MAP3K3: variants seen among roughly 807,000 people sequenced by gnomAD.
The protein encoded by MAP3K3 is mitogen-activated protein kinase kinase kinase 3.
In MAP3K3, 12 loss-of-function variants were observed where a neutral mutation model predicts 80.9. The ratio of observed to expected loss-of-function variants is 0.15; its 90% confidence interval spans 0.10 to 0.24. The LOEUF (loss-of-function observed/expected upper bound fraction) is 0.24. Ranked by LOEUF, MAP3K3 falls within the 10% of genes least tolerant of loss-of-function variation. The pLI is 1.00. For synonymous variants in MAP3K3, 272 were observed against 307.1 expected (o/e 0.89, Z 1.19); for missense variants, 596 against 834.7 (o/e 0.71, Z 3.52).
intron 2 of MAP3K3, among the ~76,000 whole-genome samples, chr17:63,643,130 A>G (rs1192127409): frequency 2.3e-4 from 35 of 152,152 alleles, no homozygotes; most frequent in Admixed American, 2.2e-3. Context: ...TGAGTAAACT[A>G]TGGACTTTAG....
intron 8 of MAP3K3, among the ~76,000 whole-genome samples, chr17:63,687,028 G>A (rs979522716): frequency 2.0e-5 from 3 of 152,086 alleles, no homozygotes; most frequent in Non-Finnish European, 4.4e-5. Flanking sequence ...AAAGATGCCT[G>A]GTTTAGCAGC....
intron 2 of MAP3K3, chr17:63,637,000 G>T: frequency 1.6e-6 from 1 of 620,472 alleles, no homozygotes; most frequent in Non-Finnish European, 3.1e-6. Flanking sequence ...GGAAGCTGCA[G>T]ATTCAGTGTG....
Position 63,692,498 on chromosome 17 carries a change from TTG to T in MAP3K3, c.1652+82_1652+83del. On this transcript the variant is annotated intron_variant, in intron 15 of 15. Coordinates refer to ENST00000361733, the MANE Select transcript of MAP3K3 (RefSeq NM_002401.5). The surrounding 1 kb of genome is among the most constrained non-coding windows in gnomAD (Gnocchi z 4.5). ...CCATTAGAAACACACCCTGGGGACT[TTG>T]TGGTGTGGCAGGAGGGAGTGTGCCC... The T allele has an allele frequency of 6.9e-7, 1 of 1,443,976 alleles. No homozygotes were observed. The highest frequency in any genetic ancestry group is 9.3e-7 in the Non-Finnish European group (1 of 1,079,374). 89.4% of individuals were successfully genotyped at this position (1,443,976 alleles called of 1,614,324 possible).
intron 2 of MAP3K3, among the ~76,000 whole-genome samples, chr17:63,642,350 T>C (rs2034459386): frequency 6.6e-6 from 1 of 152,182 alleles, no homozygotes; most frequent in South Asian, 2.1e-4. Context: ...ATTCCTTCAT[T>C]AGTATATCTA....
intron 5 of MAP3K3, among the ~76,000 whole-genome samples, chr17:63,664,963 T>C (rs1375296335): frequency 6.6e-6 from 1 of 152,052 alleles, no homozygotes; most frequent in Non-Finnish European, 1.5e-5. Flanking sequence ...AAAATGTCAG[T>C]GCTTGGACTC....
chr17:63,693,576 G>A lies in MAP3K3; in HGVS notation c.1680G>A (p.Met560Ile). The change falls in exon 16 of 16, where the codon ATG (methionine) becomes ATA (isoleucine). Residue 560 changes from methionine to isoleucine, a missense_variant. Transcript: ENST00000361733. The surrounding 1 kb of genome is among the most constrained non-coding windows in gnomAD (Gnocchi z 4.2). ...VWSLGCTVVE[M>I]LTEKPPWAEY... is the part of the protein sequence containing the mutation. ...GCCTGGGCTGCACTGTGGTGGAGAT[G>A]CTGACAGAGAAACCACCGTGGGCAG... The A allele has an allele frequency of 6.2e-7, 1 of 1,608,392 alleles. No individual in the cohort carries two copies. Among genetic ancestry groups the A allele is most frequent in the Non-Finnish European group, 8.5e-7 (1 of 1,177,388 alleles).
At chr17:63,679,625 A>G (rs1424141476) in intron 6 of MAP3K3, among the ~76,000 whole-genome samples, 2 of 152,026 alleles carry the variant, frequency 1.3e-5, no homozygotes, top group Non-Finnish European at 2.9e-5. Flanking sequence ...TGGGTCCACA[A>G]GTGTGCGCCT....
rs760060741 is a variant in MAP3K3 at position 63,657,880 on chromosome 17, A to G, written c.354A>G (p.Ile118Met). The change falls in exon 5 of 16, where the codon ATA (isoleucine) becomes ATG (methionine). Residue 118 changes from isoleucine to methionine, a missense_variant. Around this residue, in one of 2 missense-constraint regions of MAP3K3, gnomAD observed 232 missense variants for 245.8 expected, o/e 0.94. Coordinates refer to ENST00000361733, the MANE Select transcript of MAP3K3 (RefSeq NM_002401.5). ...GCTCAAGCATGAAAAGCCTTAGGATATTGCTGTTGTCCCAGGACAGAAACC... is the reference window on the plus strand; with the variant it reads ...GCTCAAGCATGAAAAGCCTTAGGATGTTGCTGTTGTCCCAGGACAGAAACC... ...DRSSSMKSLRILLLSQDRNHN... is the reference protein window; with the variant it reads ...DRSSSMKSLRMLLLSQDRNHN... The G allele has an allele frequency of 3.7e-6, 6 of 1,603,084 alleles. No homozygotes were observed. Among genetic ancestry groups the G allele is most frequent in the Non-Finnish European group, 4.3e-6 (5 of 1,172,034 alleles).
At chr17:63,642,126 A>G (rs531096866) in intron 2 of MAP3K3, among the ~76,000 whole-genome samples, 1 of 152,348 alleles carries the variant, frequency 6.6e-6, no homozygotes, top group Admixed American at 6.5e-5. Flanking sequence ...CATGTGGTTC[A>G]TGGAAGCTTG....
chr17:63,671,620 G>A (rs146178408), intron 6 of MAP3K3, among the ~76,000 whole-genome samples: 2 of 152,242 alleles, frequency 1.3e-5, no homozygotes, highest in African/African-American at 4.8e-5. Flanking sequence ...TACAATGGAG[G>A]TTTCCAGAGG....
intron 6 of MAP3K3, among the ~76,000 whole-genome samples, chr17:63,679,086 T>G (rs1488019912): frequency 6.6e-6 from 1 of 151,790 alleles, no homozygotes; most frequent in African/African-American, 2.4e-5. Context: ...AGTTTAAGCT[T>G]CTTAGAAAAT....
Position 63,692,445 on chromosome 17 carries a change from A to G in MAP3K3, c.1652+26A>G, listed in dbSNP as rs372305089. 24 of 1,578,782 alleles carry G rather than the reference A, an allele frequency of 1.5e-5. No individual in the cohort carries two copies. The highest frequency in any genetic ancestry group is 9.1e-5 in the South Asian group (8 of 87,910). ...GTGAGCACTGGGACATGCAGAACCC[A>G]TTCTTCCACCCAGGCCATAGTGGCC... is the stretch of plus-strand genomic sequence containing the variant. On this transcript the variant is annotated intron_variant, in intron 15 of 15. Coordinates refer to ENST00000361733, the MANE Select transcript of MAP3K3 (RefSeq NM_002401.5). The surrounding 1 kb of genome is among the most constrained non-coding windows in gnomAD (Gnocchi z 4.5).
At chr17:63,688,753 C>T (rs780323692) in intron 9 of MAP3K3, 36 bp from the exon 10 acceptor site, 1 of 1,516,548 alleles carries the variant, frequency 6.6e-7, no homozygotes, top group South Asian at 1.1e-5. Context: ...TCACATTGAC[C>T]TACCCAGAAG....
At chr17:63,682,809 T>C (rs2035367945) in intron 7 of MAP3K3, 1 of 152,244 alleles carries the variant, frequency 6.6e-6, no homozygotes, top group South Asian at 2.1e-4. Context: ...ATGAATATTC[T>C]ATCCTCTTTG....
intron 1 of MAP3K3, among the ~76,000 whole-genome samples, chr17:63,631,940 A>G (rs1374924626): frequency 6.6e-6 from 1 of 152,196 alleles, no homozygotes; most frequent in Admixed American, 6.5e-5. Flanking sequence ...GGTACCTTTT[A>G]AAGTGTGCTC....
chr17:63,676,549 A>G (rs955251501), intron 6 of MAP3K3, among the ~76,000 whole-genome samples: 1 of 152,264 alleles, frequency 6.6e-6, no homozygotes, highest in African/African-American at 2.4e-5. Flanking sequence ...GGTAAAATGT[A>G]TAATACAGCT....
At position 63,695,461 on chromosome 17, in the gene MAP3K3, C is replaced by G. The variant is rs2035672948; in HGVS notation, c.*1684C>G. 1 of 152,642 alleles carries G rather than the reference C, an allele frequency of 6.6e-6. No individual in the cohort carries two copies. The highest frequency in any genetic ancestry group is 1.5e-5 in the Non-Finnish European group (1 of 68,068). 9.5% of individuals were successfully genotyped at this position (152,642 alleles called of 1,614,324 possible). A position where few individuals can be genotyped will look rare whatever the true frequency, so the allele number is the denominator to read the frequency against. On this transcript the variant is annotated 3_prime_UTR_variant, in exon 16 of 16. Coordinates refer to ENST00000361733, the MANE Select transcript of MAP3K3 (RefSeq NM_002401.5). This position sits in a 1 kb window ranked among gnomAD's most constrained non-coding sequence, Gnocchi z 4.1. ...CAGTTGGGCCTGGACCCTCCTGTGTCCATCCCTGTTCCCCCAGGGGCTCTA... is the reference window on the plus strand; with the variant it reads ...CAGTTGGGCCTGGACCCTCCTGTGTGCATCCCTGTTCCCCCAGGGGCTCTA...
At chr17:63,675,142 A>T (rs568689155) in intron 6 of MAP3K3, among the ~76,000 whole-genome samples, 10 of 152,348 alleles carry the variant, frequency 6.6e-5, no homozygotes, top group African/African-American at 2.2e-4. Context: ...GGGAATTTTG[A>T]AAGTTGAAAC....
At chr17:63,626,495 A>G in intron 1 of MAP3K3, among the ~76,000 whole-genome samples, 1 of 152,248 alleles carries the variant, frequency 6.6e-6, no homozygotes, top group East Asian at 1.9e-4. Context: ...TAAATGGCCT[A>G]CTTTATAATA....
Sources: gnomAD v4.1 joint callset for allele counts (sites outside exome capture counted in the v4.1 genomes callset) on GRCh38, gnomAD v4.1.1 for gene constraint, gnomAD v4.1.1 regional missense constraint, Gnocchi (gnomAD v3.1) non-coding constraint, MANE v1.5 for transcripts, NCBI Gene and HGNC (gene_info 2026-07-23, HGNC 2026-07-21) for gene names.